Variants in SCFD2 observed in about 807,000 individuals in gnomAD.
The protein encoded by SCFD2 is sec1 family domain-containing protein 2.
A neutral mutation model predicts 58.9 loss-of-function variants in SCFD2; 54 were observed. The observed-to-expected ratio is 0.92, with a 90% CI of 0.74 to 1.15. The LOEUF is 1.15. Ranked by LOEUF, SCFD2 falls within the 50% of genes most tolerant of loss-of-function variation. SCFD2 has a pLI of 0.00. For missense variants in SCFD2, 805 were observed against 836.6 expected (o/e 0.96, Z 0.47); for synonymous variants, 321 against 335.9 (o/e 0.96, Z 0.49).
At chr4:53,237,146 A>C (rs957322045) in intron 4 of SCFD2, among the ~76,000 whole-genome samples, 12 of 149,796 alleles carry the variant, frequency 8.0e-5, no homozygotes, top group Non-Finnish European at 1.2e-4. Flanking sequence ...CAGAGAGCAC[A>C]GGGTTGGGGG....
intron 5 of SCFD2, among the ~76,000 whole-genome samples, chr4:53,071,801 G>T (rs557956841): frequency 6.6e-6 from 1 of 152,032 alleles, no homozygotes; most frequent in Non-Finnish European, 1.5e-5. Flanking sequence ...CGACTTAAAT[G>T]TAAGAATTAT....
chr4:53,087,686 G>A (rs1395303693), intron 5 of SCFD2, among the ~76,000 whole-genome samples: 2 of 135,022 alleles, frequency 1.5e-5, no homozygotes, highest in Non-Finnish European at 3.1e-5. Flanking sequence ...TTGAGACGGA[G>A]TCTCGCTGTG....
At chr4:53,256,766 G>A (rs1000938005) in intron 4 of SCFD2, among the ~76,000 whole-genome samples, 3 of 151,772 alleles carry the variant, frequency 2.0e-5, no homozygotes, top group Non-Finnish European at 2.9e-5. Flanking sequence ...TCGGCAGGCT[G>A]AGGCAGGAGA....
intron 4 of SCFD2, among the ~76,000 whole-genome samples, chr4:53,253,153 G>A (rs1730462852): frequency 6.6e-6 from 1 of 152,188 alleles, no homozygotes; most frequent in Admixed American, 6.5e-5. Flanking sequence ...CATCATCACT[G>A]GCCATCAGAG....
At chr4:52,876,756 G>GAAAAAAAAAAAAAAAAAAAAAAA (rs761229349) in intron 8 of SCFD2, among the ~76,000 whole-genome samples, 1 of 54,396 alleles carries the variant, frequency 1.8e-5, no homozygotes. Flanking sequence ...TCTCTGTCTC[G>GAAAAAAAAAAAAAAAAAAAAAAA]AAAAAAAAAA....
At chr4:53,339,224 T>C (rs1425494431) in intron 2 of SCFD2, among the ~76,000 whole-genome samples, 2 of 152,002 alleles carry the variant, frequency 1.3e-5, no homozygotes, top group Non-Finnish European at 2.9e-5. Flanking sequence ...ATTACTTGTA[T>C]GGGAGAGTAA....
chr4:52,945,283 G>A (rs1357347308), intron 5 of SCFD2, among the ~76,000 whole-genome samples: 1 of 152,056 alleles, frequency 6.6e-6, no homozygotes, highest in African/African-American at 2.4e-5. Flanking sequence ...ACATTCGTAT[G>A]CTATAAGCAT....
intron 5 of SCFD2, among the ~76,000 whole-genome samples, chr4:53,035,323 C>G (rs1323370682): frequency 6.6e-6 from 1 of 152,114 alleles, no homozygotes; most frequent in Non-Finnish European, 1.5e-5. Context: ...CAAAAATTAA[C>G]TCAAGATGGA....
rs1327156313 is a variant in SCFD2, at chr4:52,991,448, A to C, written c.1562-70578T>G. On this transcript the variant is annotated intron_variant, in intron 5 of 8. Transcript: ENST00000401642. ...GAGGAGGGATTGGGGTTCAGGGGAG[A>C]ACCCCTACTACCAACTGGGCTAGGG... 2.0e-5 allele frequency among the ~76,000 whole-genome samples: 3 copies of C among 152,198 alleles called. No homozygotes were observed. The South Asian group carries it at 6.2e-4, about 32-fold the overall frequency.
Position 52,983,314 on chromosome 4 carries a change from A to C in SCFD2, c.1562-62444T>G, listed in dbSNP as rs529985313. Among the ~76,000 whole-genome samples the C allele has an allele frequency of 2.0e-5, 3 of 152,358 alleles. No homozygotes were observed. The East Asian group carries it at 5.8e-4, about 29-fold the overall frequency. On this transcript the variant is annotated intron_variant, in intron 5 of 8. Coordinates refer to ENST00000401642, the MANE Select transcript of SCFD2 (RefSeq NM_152540.4). ...ATACAACTAAACATCACAGTACAGC[A>C]GAGAATTGTGGTGATATTTATGACT...
At chr4:53,136,047 T>C (rs191920623) in intron 5 of SCFD2, among the ~76,000 whole-genome samples, 1 of 152,358 alleles carries the variant, frequency 6.6e-6, no homozygotes, top group African/African-American at 2.4e-5. Context: ...TAAATAAATT[T>C]ATCTTTTATA....
chr4:53,070,452 T>C (rs1723782830), intron 5 of SCFD2, among the ~76,000 whole-genome samples: 1 of 152,112 alleles, frequency 6.6e-6, no homozygotes, highest in Non-Finnish European at 1.5e-5. Context: ...AAAAGAATCT[T>C]AATTTGTATC....
At chr4:53,177,042 C>T (rs913425038) in intron 4 of SCFD2, among the ~76,000 whole-genome samples, 2 of 151,824 alleles carry the variant, frequency 1.3e-5, no homozygotes, top group African/African-American at 4.8e-5. Flanking sequence ...TCTTCTTTAT[C>T]TGTTTCCTGT....
intron 5 of SCFD2, among the ~76,000 whole-genome samples, chr4:52,973,050 C>T (rs1721149568): frequency 1.3e-5 from 2 of 152,016 alleles, no homozygotes; most frequent in African/African-American, 4.8e-5. Flanking sequence ...CACTAAATGC[C>T]CACAAGAGAA....
intron 5 of SCFD2, among the ~76,000 whole-genome samples, chr4:52,987,263 G>A (rs1396982767): frequency 6.6e-6 from 1 of 152,242 alleles, no homozygotes; most frequent in Non-Finnish European, 1.5e-5. Context: ...TGATCCGCCC[G>A]CCTCGGCCTC....
chr4:52,922,778 G>A (rs1719771521), intron 5 of SCFD2, among the ~76,000 whole-genome samples: 1 of 152,174 alleles, frequency 6.6e-6, no homozygotes, highest in African/African-American at 2.4e-5. Flanking sequence ...TTTTGAGGAA[G>A]TGCTAAGCTG....
At chr4:53,058,969 A>G (rs769330896) in intron 5 of SCFD2, among the ~76,000 whole-genome samples, 28 of 152,292 alleles carry the variant, frequency 1.8e-4, no homozygotes, top group Middle Eastern at 3.4e-3. Context: ...ATCAAGTAGC[A>G]TGCCACTCAG....
intron 5 of SCFD2, among the ~76,000 whole-genome samples, chr4:53,115,171 C>A: frequency 6.6e-6 from 1 of 152,058 alleles, no homozygotes; most frequent in East Asian, 1.9e-4. Flanking sequence ...GGTCTACACA[C>A]ACAAAAGACA....
chr4:53,273,985 T>C lies in SCFD2; in HGVS notation c.1152A>G (p.Gly384=). The C allele has an allele frequency of 6.2e-7, 1 of 1,610,318 alleles. No homozygotes were observed. Among genetic ancestry groups the C allele is most frequent in the Non-Finnish European group, 8.5e-7 (1 of 1,178,396 alleles). Residue 384 remains glycine (G), a synonymous_variant, in exon 4 of 9, where the codon GGA becomes GGG. Coordinates refer to ENST00000401642, the MANE Select transcript of SCFD2 (RefSeq NM_152540.4). ...IKMSMGRVTP[G]QLMSYIQLFK... is the part of the protein sequence containing the mutation. ...AGAGCTGAATATAGGACATGAGCTG[T>C]CCCGGTGTGACTCTCCCTGGAAACA...
Sources: gnomAD v4.1 joint callset for allele counts (sites outside exome capture counted in the v4.1 genomes callset) on GRCh38, gnomAD v4.1.1 for gene constraint, MANE v1.5 for transcripts, NCBI Gene and HGNC (gene_info 2026-07-23, HGNC 2026-07-21) for gene names.